PRMT8: variants seen among roughly 807,000 people sequenced by gnomAD.
PRMT8 encodes the protein protein arginine methyltransferase 8.
In PRMT8, 7 loss-of-function variants were observed where a neutral mutation model predicts 47.1. The ratio of observed to expected loss-of-function variants is 0.15; its 90% confidence interval spans 0.08 to 0.28. PRMT8 has a LOEUF of 0.28. PRMT8 is among the 10% of genes least tolerant of loss of function. PRMT8 has a pLI of 1.00. For synonymous variants in PRMT8, 188 were observed against 186.5 expected (o/e 1.01, Z -0.07); for missense variants, 237 against 505.4 (o/e 0.47, Z 5.09).
intron 1 of PRMT8, among the ~76,000 whole-genome samples, chr12:3,413,155 G>T (rs928220090): frequency 6.6e-6 from 1 of 152,104 alleles, no homozygotes; most frequent in Non-Finnish European, 1.5e-5. Flanking sequence ...AGAATTGGCT[G>T]AATTGTTTGT....
intron 1 of PRMT8, among the ~76,000 whole-genome samples, chr12:3,516,364 T>C (rs995516305): frequency 6.6e-6 from 1 of 152,232 alleles, no homozygotes; most frequent in African/African-American, 2.4e-5. Context: ...TACTCATGCA[T>C]TGCATTCAAC....
chr12:3,559,285 C>A (rs1206320010), intron 4 of PRMT8, among the ~76,000 whole-genome samples: 1 of 152,150 alleles, frequency 6.6e-6, no homozygotes, highest in African/African-American at 2.4e-5. Flanking sequence ...ACATTCCAGG[C>A]TTGTCTTGTG....
chr12:3,480,330 T>G (rs1865260499), intron 1 of PRMT8, among the ~76,000 whole-genome samples: 1 of 152,240 alleles, frequency 6.6e-6, no homozygotes, highest in Non-Finnish European at 1.5e-5. Context: ...GCTTTCCCAG[T>G]ACTTCTTCCT....
At chr12:3,529,764 TTCTCCACCTTCAGCTCAATGGCCAG>T (rs1291807339) in intron 1 of PRMT8, among the ~76,000 whole-genome samples, 1 of 152,208 alleles carries the variant, frequency 6.6e-6, no homozygotes, top group African/African-American at 2.4e-5. Context: ...TAGTTCATTT[TTCTCCACCTTCAGCTCAATGGCCAG>T]ATGATGGAGC....
intron 1 of PRMT8, among the ~76,000 whole-genome samples, chr12:3,471,765 C>T (rs1865165042): frequency 6.6e-6 from 1 of 151,990 alleles, no homozygotes; most frequent in African/African-American, 2.4e-5. Context: ...TGTAAGTACC[C>T]ACTTCCATGC....
intron 1 of PRMT8, among the ~76,000 whole-genome samples, chr12:3,504,449 G>T: frequency 8.6e-6 from 1 of 116,044 alleles, no homozygotes. Flanking sequence ...AGGTCTGCTG[G>T]AATACCCTGC....
intron 1 of PRMT8, among the ~76,000 whole-genome samples, chr12:3,396,644 C>T (rs1380926485): frequency 1.1e-4 from 17 of 151,962 alleles, no homozygotes; most frequent in African/African-American, 4.1e-4. Flanking sequence ...CTGCCCTTAA[C>T]ATTTTTTCCT....
In PRMT8 at chr12:3,409,982, G is replaced by T. The variant is rs1864410028; in HGVS notation, c.48+28540G>T. On this transcript the variant is annotated intron_variant, in intron 1 of 9. Coordinates refer to the PRMT8 transcript ENST00000452611. The surrounding 1 kb of genome is among the most constrained non-coding windows in gnomAD (Gnocchi z 4.4). ...GGGAGGCGTGGATGGAGTGGCTCTG[G>T]CCCTCTGGCAGCCTGTTACCTCTGG... is the stretch of plus-strand genomic sequence containing the variant. Among the ~76,000 whole-genome samples the T allele has an allele frequency of 6.6e-6, 1 of 152,200 alleles. No individual in the cohort carries two copies. The highest frequency in any genetic ancestry group is 1.5e-5 in the Non-Finnish European group (1 of 68,026).
At chr12:3,393,056 G>T (rs923048699) in intron 1 of PRMT8, among the ~76,000 whole-genome samples, 3 of 152,078 alleles carry the variant, frequency 2.0e-5, no homozygotes, top group Admixed American at 6.5e-5. Context: ...TTTTGATGGG[G>T]TTGTTTGTTT....
intron 1 of PRMT8, among the ~76,000 whole-genome samples, chr12:3,527,743 TAG>T (rs1865969008): frequency 6.6e-6 from 1 of 152,182 alleles, no homozygotes; most frequent in Non-Finnish European, 1.5e-5. Flanking sequence ...TATTTACACA[TAG>T]AGTTACCATT....
intron 1 of PRMT8, among the ~76,000 whole-genome samples, chr12:3,399,967 T>C (rs1430310441): frequency 6.6e-6 from 1 of 152,234 alleles, no homozygotes; most frequent in Non-Finnish European, 1.5e-5. Flanking sequence ...TGTCAAAATC[T>C]ATTGAAGGCT....
At position 3,409,709 on chromosome 12, in the gene PRMT8, A is replaced by AGC. The variant is rs1864406982; in HGVS notation, c.48+28267_48+28268insGC. On this transcript the variant is annotated intron_variant, in intron 1 of 9. Transcript: ENST00000452611. This position sits in a 1 kb window ranked among gnomAD's most constrained non-coding sequence, Gnocchi z 4.4. The stretch of plus-strand genomic sequence containing the variant: ...TGCCACATCAGCTCAGCCCTGGAAG[A>AGC]TGCAGCTGCTCAGCTCATCCAAGGC... Among the ~76,000 whole-genome samples, 1 of 152,084 alleles carries AGC rather than the reference A, an allele frequency of 6.6e-6. No homozygotes were observed. The highest frequency in any genetic ancestry group is 2.4e-5 in the African/African-American group (1 of 41,394).
rs190916427 is a variant in PRMT8 at position 3,583,707 on chromosome 12, C to T, written c.979+499C>T. On this transcript the variant is annotated intron_variant, in intron 8 of 9. Coordinates refer to ENST00000382622, the MANE Select transcript of PRMT8 (RefSeq NM_019854.5). The surrounding 1 kb of genome is among the most constrained non-coding windows in gnomAD (Gnocchi z 4.7). ...TCTGTTGGTGTTCCCCCAAGATCAC[C>T]CCACTGCTACTCCCACTCCCAAATC... Among the ~76,000 whole-genome samples, 275 of 152,342 alleles carry T rather than the reference C, an allele frequency of 1.8e-3. 2 individuals are homozygous for T. Among genetic ancestry groups the T allele is most frequent in the African/African-American group, 6.2e-3 (259 of 41,574 alleles).
intron 4 of PRMT8, 48 bp downstream of exon 4, chr12:3,553,762 G>A (rs1186446442): frequency 2.0e-6 from 3 of 1,494,432 alleles, no homozygotes; most frequent in Non-Finnish European, 2.8e-6. Flanking sequence ...GGGACGGGAA[G>A]CTCACACTTT....
Position 3,538,573 on chromosome 12 carries a change from G to A in PRMT8, c.76-2033G>A. ...GAACCAGAGTGGAGTGACAGCTAAG[G>A]GGTGCTGGAGGCCCCTGTGACCTTG... On this transcript the variant is annotated intron_variant, in intron 1 of 9. Transcript: ENST00000382622. This position sits in a 1 kb window ranked among gnomAD's most constrained non-coding sequence, Gnocchi z 4.6. 1 of 517,018 alleles carries A rather than the reference G, an allele frequency of 1.9e-6. No individual in the cohort carries two copies. The highest frequency in any genetic ancestry group is 3.9e-6 in the Non-Finnish European group (1 of 258,812). 32.0% of individuals were successfully genotyped at this position (517,018 alleles called of 1,614,324 possible).
At chr12:3,529,232 T>C (rs1591586431) in intron 1 of PRMT8, among the ~76,000 whole-genome samples, 1 of 152,320 alleles carries the variant, frequency 6.6e-6, no homozygotes, top group South Asian at 2.1e-4. Context: ...CTGTTCTCTG[T>C]ATGGTAGGCT....
At chr12:3,528,693 T>C (rs944768418) in intron 1 of PRMT8, among the ~76,000 whole-genome samples, 1 of 152,166 alleles carries the variant, frequency 6.6e-6, no homozygotes, top group Non-Finnish European at 1.5e-5. Flanking sequence ...CTTGCTTCTT[T>C]GCAAGCCTAG....
intron 1 of PRMT8, among the ~76,000 whole-genome samples, chr12:3,434,707 G>A (rs1407966732): frequency 6.6e-6 from 1 of 151,626 alleles, no homozygotes; most frequent in African/African-American, 2.4e-5. Context: ...GTTGGTGGGT[G>A]TGTGTTGGAG....
chr12:3,590,533 A>G (rs944131992), intron 8 of PRMT8, among the ~76,000 whole-genome samples: 2 of 152,028 alleles, frequency 1.3e-5, no homozygotes, highest in Non-Finnish European at 2.9e-5. Context: ...CCCCAAAGCC[A>G]TGATAAGGCC....
Sources: gnomAD v4.1 joint callset for allele counts (sites outside exome capture counted in the v4.1 genomes callset) on GRCh38, gnomAD v4.1.1 for gene constraint, Gnocchi (gnomAD v3.1) non-coding constraint, MANE v1.5 for transcripts, NCBI Gene and HGNC (gene_info 2026-07-23, HGNC 2026-07-21) for gene names.